RPS6KC1: variants seen among roughly 807,000 people sequenced by gnomAD.
The protein encoded by RPS6KC1 is ribosomal protein S6 kinase C1.
RPS6KC1 carries 54 observed loss-of-function variants against 103.8 expected under a neutral mutation model. The ratio of observed to expected loss-of-function variants is 0.52; its 90% confidence interval spans 0.42 to 0.65. The LOEUF is 0.65. RPS6KC1 is among the 30% of genes least tolerant of loss of function. RPS6KC1 has a pLI of 0.00. For synonymous variants in RPS6KC1, 439 were observed against 438.7 expected (o/e 1.00, Z -0.01); for missense variants, 1,151 against 1,253.8 (o/e 0.92, Z 1.24).
the RPS6KC1 span, among the ~76,000 whole-genome samples, chr1:213,597,601 G>A: frequency 6.6e-6 from 1 of 152,308 alleles, no homozygotes; most frequent in South Asian, 2.1e-4. Context: ...GGAAAGGAAG[G>A]GGAAACCGAA....
chr1:213,824,865 AACTAAT>A, the RPS6KC1 span, among the ~76,000 whole-genome samples: 2 of 152,184 alleles, frequency 1.3e-5, no homozygotes, highest in Non-Finnish European at 2.9e-5. Flanking sequence ...TATGAAAATG[AACTAAT>A]ACATGCATTG....
chr1:213,137,795 A>ATG (rs1378530149), intron 6 of RPS6KC1, among the ~76,000 whole-genome samples: 1 of 39,890 alleles, frequency 2.5e-5, no homozygotes, highest in African/African-American at 7.3e-5. Flanking sequence ...ATATATATAT[A>ATG]TATATTTTTT....
chr1:213,228,251 A>G (rs1353349866), intron 8 of RPS6KC1, among the ~76,000 whole-genome samples: 1 of 152,210 alleles, frequency 6.6e-6, no homozygotes, highest in Non-Finnish European at 1.5e-5. Flanking sequence ...AAAACAAGCA[A>G]TAATAGTGAT....
the RPS6KC1 span, among the ~76,000 whole-genome samples, chr1:213,675,259 C>T: frequency 4.1e-4 from 63 of 152,296 alleles, no homozygotes; most frequent in African/African-American, 1.5e-3. Context: ...TAGCACCTGT[C>T]ACATGCTGCT....
chr1:213,199,562 A>C (rs2093076043), intron 8 of RPS6KC1, among the ~76,000 whole-genome samples: 1 of 152,210 alleles, frequency 6.6e-6, no homozygotes, highest in Admixed American at 6.5e-5. Flanking sequence ...CAATAGCTGG[A>C]AGCATTTCCC....
At chr1:213,430,548 G>A in the RPS6KC1 span, among the ~76,000 whole-genome samples, 1 of 152,140 alleles carries the variant, frequency 6.6e-6, no homozygotes, top group African/African-American at 2.4e-5. Flanking sequence ...GCATTTCTGT[G>A]GATGATGAGG....
chr1:213,464,492 C>T, the RPS6KC1 span, among the ~76,000 whole-genome samples: 325 of 152,240 alleles, frequency 2.1e-3, no homozygotes, highest in African/African-American at 7.3e-3. Context: ...TGATCAGACT[C>T]AGTTTTATTT....
chr1:213,595,787 G>T, the RPS6KC1 span, among the ~76,000 whole-genome samples: 4 of 152,188 alleles, frequency 2.6e-5, no homozygotes, highest in Admixed American at 6.5e-5. Context: ...TCAAAATTCA[G>T]CTAATTTTGA....
chr1:213,586,339 C>T, the RPS6KC1 span, among the ~76,000 whole-genome samples: 6 of 152,188 alleles, frequency 3.9e-5, no homozygotes, highest in East Asian at 1.9e-4. Context: ...CACACCGCAA[C>T]GCTGGGAATA....
At chr1:213,339,869 G>A in the RPS6KC1 span, among the ~76,000 whole-genome samples, 4 of 152,094 alleles carry the variant, frequency 2.6e-5, no homozygotes, top group Non-Finnish European at 5.9e-5. Context: ...AAAGTTGAGA[G>A]CTGAGGGCCT....
the RPS6KC1 span, among the ~76,000 whole-genome samples, chr1:213,653,006 G>A: frequency 1.3e-5 from 2 of 152,220 alleles, no homozygotes; most frequent in Non-Finnish European, 2.9e-5. Flanking sequence ...CTGGTACATA[G>A]CACTTTGACA....
chr1:213,159,279 T>C (rs2090223797), intron 6 of RPS6KC1, among the ~76,000 whole-genome samples: 1 of 152,206 alleles, frequency 6.6e-6, no homozygotes, highest in African/African-American at 2.4e-5. Flanking sequence ...TATTTTGGTG[T>C]CAAATTTTAT....
the RPS6KC1 span, among the ~76,000 whole-genome samples, chr1:213,740,621 A>ATC: frequency 1.3e-5 from 2 of 149,308 alleles, no homozygotes; most frequent in Non-Finnish European, 2.9e-5. Flanking sequence ...ACATATATAT[A>ATC]TCTCAGATAT....
chr1:213,432,549 C>A, the RPS6KC1 span, among the ~76,000 whole-genome samples: 3 of 152,184 alleles, frequency 2.0e-5, no homozygotes, highest in Admixed American at 1.3e-4. Context: ...CCTGTGGAAC[C>A]ATTTAATCAG....
chr1:213,075,052 T>C (rs1036352873), intron 2 of RPS6KC1, among the ~76,000 whole-genome samples: 3 of 151,628 alleles, frequency 2.0e-5, no homozygotes, highest in Non-Finnish European at 2.9e-5. Flanking sequence ...GGGGTTTCAT[T>C]GTGTTAGCCA....
chr1:213,684,265 C>A, the RPS6KC1 span, among the ~76,000 whole-genome samples: 1 of 152,100 alleles, frequency 6.6e-6, no homozygotes, highest in Non-Finnish European at 1.5e-5. Context: ...CACAGCAACC[C>A]GGGGAGCTTT....
the RPS6KC1 span, among the ~76,000 whole-genome samples, chr1:213,815,381 G>A: frequency 6.6e-6 from 1 of 152,150 alleles, no homozygotes; most frequent in Non-Finnish European, 1.5e-5. Context: ...GTAATCATTA[G>A]CTTCTATCCC....
At chr1:213,592,247 G>T in the RPS6KC1 span, among the ~76,000 whole-genome samples, 2,073 of 152,210 alleles carry the variant, frequency 0.014, 50 homozygotes, top group African/African-American at 0.047. Flanking sequence ...AAAATGATGA[G>T]TTTTAGCTGC....
chr1:213,312,436 G>A, the RPS6KC1 span, among the ~76,000 whole-genome samples: 1 of 152,156 alleles, frequency 6.6e-6, no homozygotes, highest in African/African-American at 2.4e-5. Context: ...CTGAGAAATT[G>A]GCACCTGGAA....
Sources: gnomAD v4.1 joint callset for allele counts (sites outside exome capture counted in the v4.1 genomes callset) on GRCh38, gnomAD v4.1.1 for gene constraint, MANE v1.5 for transcripts, NCBI Gene and HGNC (gene_info 2026-07-23, HGNC 2026-07-21) for gene names.